LDLRAD3: variants seen among roughly 807,000 people sequenced by gnomAD.
LDLRAD3 encodes the protein low density lipoprotein receptor class A domain containing 3.
In LDLRAD3, 20 loss-of-function variants were observed where a neutral mutation model predicts 29.4. The observed-to-expected ratio is 0.68, with a 90% CI of 0.48 to 0.99. The LOEUF (loss-of-function observed/expected upper bound fraction) is 0.99, where lower values mean the gene tolerates loss of function less well. Among genes scored for constraint, LDLRAD3 ranks in the 50% least tolerant of loss-of-function variants. LDLRAD3 has a pLI of 0.00. For missense variants in LDLRAD3, 420 were observed against 454.3 expected (o/e 0.92, Z 0.69); for synonymous variants, 157 against 192.7 (o/e 0.81, Z 1.53).
At chr11:36,176,387 G>T (rs1854676006) in intron 4 of LDLRAD3, among the ~76,000 whole-genome samples, 1 of 151,370 alleles carries the variant, frequency 6.6e-6, no homozygotes, top group Non-Finnish European at 1.5e-5. Context: ...TTTTTTCATT[G>T]TGTTACTGTT....
At chr11:35,997,293 T>C in intron 1 of LDLRAD3, 1 of 400,482 alleles carries the variant, frequency 2.5e-6, no homozygotes, top group Non-Finnish European at 4.8e-6. Flanking sequence ...ATCTCTTTAG[T>C]GGTTTCAGAG....
chr11:36,023,076 GA>G lies in LDLRAD3; in HGVS notation c.47-13026del, dbSNP rs1397206356. On this transcript the variant is annotated intron_variant, in intron 1 of 5. Transcript: ENST00000315571. Reference sequence around the variant, plus strand: ...GTGAGCAGATTGTAGAAGCGGGATGGACCAGTTTAATGGATTAAGCTACTTA... The same window carrying G: ...GTGAGCAGATTGTAGAAGCGGGATGGCCAGTTTAATGGATTAAGCTACTTA... 7.2e-5 allele frequency among the ~76,000 whole-genome samples: 11 copies of G among 152,286 alleles called. No homozygotes were observed. The South Asian group carries it at 2.3e-3, about 32-fold the overall frequency.
At chr11:35,963,616 A>C (rs1327043489) in intron 1 of LDLRAD3, among the ~76,000 whole-genome samples, 1 of 152,140 alleles carries the variant, frequency 6.6e-6, no homozygotes, top group East Asian at 1.9e-4. Context: ...ATGTAGACCC[A>C]ACTTGTGGTA....
intron 2 of LDLRAD3, among the ~76,000 whole-genome samples, chr11:36,045,156 A>G (rs1313104830): frequency 6.6e-6 from 1 of 152,228 alleles, no homozygotes; most frequent in Non-Finnish European, 1.5e-5. Flanking sequence ...GAATCACAGC[A>G]TGAAGTTTGA....
chr11:36,086,799 C>A (rs1565212902), intron 3 of LDLRAD3, among the ~76,000 whole-genome samples: 1 of 152,160 alleles, frequency 6.6e-6, no homozygotes, highest in Non-Finnish European at 1.5e-5. Flanking sequence ...ACAGCTACTG[C>A]ATGCATTCTC....
At chr11:35,954,372 C>A (rs80288397) in intron 1 of LDLRAD3, among the ~76,000 whole-genome samples, 1 of 152,162 alleles carries the variant, frequency 6.6e-6, no homozygotes, top group East Asian at 1.9e-4. Context: ...GAATTCTTCT[C>A]TTTTCCTGTG....
intron 1 of LDLRAD3, among the ~76,000 whole-genome samples, chr11:36,018,070 A>ATT (rs1852046415): frequency 6.6e-6 from 1 of 152,066 alleles, no homozygotes; most frequent in South Asian, 2.1e-4. Context: ...AACGAGATTA[A>ATT]TTTTTTCCTC....
At position 35,944,463 on chromosome 11, in the gene LDLRAD3, T is replaced by G. The variant is rs1310493467; in HGVS notation, c.46+319T>G. Among the ~76,000 whole-genome samples, 3 of 151,658 alleles carry G rather than the reference T, an allele frequency of 2.0e-5. No individual in the cohort carries two copies. Among genetic ancestry groups the G allele is most frequent in the African/African-American group, 7.3e-5 (3 of 41,266 alleles). ...CGTAGCTCGAGTGTGGCTGTGTGTG[T>G]GTTGTGTGTGTTGAGGAACGGAGGC... On this transcript the variant is annotated intron_variant, in intron 1 of 5. Coordinates refer to ENST00000315571, the MANE Select transcript of LDLRAD3 (RefSeq NM_174902.4). This position sits in a 1 kb window ranked among gnomAD's most constrained non-coding sequence, Gnocchi z 4.9.
At chr11:35,961,726 CAAT>C (rs1446144688) in intron 1 of LDLRAD3, among the ~76,000 whole-genome samples, 7 of 152,164 alleles carry the variant, frequency 4.6e-5, no homozygotes, top group East Asian at 1.9e-4. Flanking sequence ...ACTCTAACAA[CAAT>C]GAGAATATTA....
intron 2 of LDLRAD3, among the ~76,000 whole-genome samples, chr11:36,043,011 A>T: frequency 1.7e-5 from 1 of 57,856 alleles, no homozygotes. Flanking sequence ...CCTTTGTTTA[A>T]AAAAAAAAAA....
intron 2 of LDLRAD3, among the ~76,000 whole-genome samples, chr11:36,053,303 C>CT (rs1055231657): frequency 1.3e-5 from 2 of 151,834 alleles, no homozygotes; most frequent in South Asian, 2.1e-4. Context: ...CTGTAATTGT[C>CT]TTTTTTCAGA....
At chr11:36,156,201 T>TA (rs1222264146) in intron 4 of LDLRAD3, among the ~76,000 whole-genome samples, 2 of 152,166 alleles carry the variant, frequency 1.3e-5, no homozygotes, top group Non-Finnish European at 2.9e-5. Flanking sequence ...CCTGAAGGGA[T>TA]AAAAAAGACC....
chr11:36,065,832 T>C (rs557917190), intron 2 of LDLRAD3, among the ~76,000 whole-genome samples: 1 of 152,350 alleles, frequency 6.6e-6, no homozygotes, highest in East Asian at 1.9e-4. Context: ...TTTAGGGTTC[T>C]GCTGTTTATG....
At chr11:36,063,948 A>T (rs1852747601) in intron 2 of LDLRAD3, among the ~76,000 whole-genome samples, 1 of 152,156 alleles carries the variant, frequency 6.6e-6, no homozygotes, top group Admixed American at 6.5e-5. Flanking sequence ...TCTGCCAAGA[A>T]GCTAGCTGAG....
intron 1 of LDLRAD3, among the ~76,000 whole-genome samples, chr11:35,978,883 A>G (rs187997386): frequency 7.0e-4 from 107 of 152,250 alleles, no homozygotes; most frequent in African/African-American, 2.5e-3. Flanking sequence ...AGCTATTACT[A>G]TATGGTTTCC....
At chr11:36,025,188 A>G (rs1043937004) in intron 1 of LDLRAD3, among the ~76,000 whole-genome samples, 1 of 152,158 alleles carries the variant, frequency 6.6e-6, no homozygotes, top group Non-Finnish European at 1.5e-5. Flanking sequence ...AAGCGAGAAT[A>G]TAGTGGTAAA....
intron 4 of LDLRAD3, among the ~76,000 whole-genome samples, chr11:36,122,819 T>TA (rs1257944042): frequency 6.6e-6 from 1 of 152,064 alleles, no homozygotes; most frequent in Non-Finnish European, 1.5e-5. Context: ...AGGAGTTCAA[T>TA]ACCAACCTGG....
intron 2 of LDLRAD3, among the ~76,000 whole-genome samples, chr11:36,047,744 G>A (rs951795637): frequency 6.6e-6 from 1 of 152,132 alleles, no homozygotes; most frequent in African/African-American, 2.4e-5. Context: ...CCTACGCAAG[G>A]TACTTGGCCT....
chr11:36,014,026 T>C (rs1232879321), intron 1 of LDLRAD3, among the ~76,000 whole-genome samples: 2 of 152,222 alleles, frequency 1.3e-5, no homozygotes, highest in African/African-American at 4.8e-5. Context: ...TTGAAACCTT[T>C]CCTCCTGTGG....
Sources: gnomAD v4.1 joint callset for allele counts (sites outside exome capture counted in the v4.1 genomes callset) on GRCh38, gnomAD v4.1.1 for gene constraint, Gnocchi (gnomAD v3.1) non-coding constraint, MANE v1.5 for transcripts, NCBI Gene and HGNC (gene_info 2026-07-23, HGNC 2026-07-21) for gene names.